Variants in CTNNBL1 observed in about 807,000 individuals in gnomAD.
CTNNBL1 encodes catenin beta like 1.
In CTNNBL1, 31 loss-of-function variants were observed where a neutral mutation model predicts 72.7. That is an observed-to-expected ratio of 0.43 (90% CI 0.32 to 0.58). The LOEUF (loss-of-function observed/expected upper bound fraction) is 0.58. Among genes scored for constraint, CTNNBL1 ranks in the 20% least tolerant of loss-of-function variants. The pLI, the probability that CTNNBL1 is intolerant of heterozygous loss-of-function variation, is 0.08. For missense variants in CTNNBL1, 534 were observed against 725.1 expected (o/e 0.74, Z 3.03); for synonymous variants, 240 against 267.3 (o/e 0.90, Z 1.00).
At position 37,871,966 on chromosome 20, in the gene CTNNBL1, C is replaced by G. The variant is rs752655870; in HGVS notation, c.1645C>G (p.Arg549Gly). 33 of 1,613,906 alleles carry G rather than the reference C, an allele frequency of 2.0e-5. No homozygotes were observed. The highest frequency in any genetic ancestry group is 2.3e-5 in the Non-Finnish European group (27 of 1,179,986). The change falls in exon 16 of 16, where the codon CGG becomes GGG. Residue 549 changes from arginine to glycine, a missense_variant. By Grantham distance (125) the Arg-to-Gly change is moderately radical. Coordinates refer to ENST00000361383, the MANE Select transcript of CTNNBL1 (RefSeq NM_030877.5). Reference protein sequence around the residue: ...NIGDGRSPEFRENEQKRILGL... With the variant: ...NIGDGRSPEFGENEQKRILGL... ...CGGGGACGGCCGGAGCCCGGAGTTC[C>G]GGGAGAACGAGCAAAAGCGCATCCT...
intron 3 of CTNNBL1, among the ~76,000 whole-genome samples, chr20:37,741,031 C>G (rs7264772): frequency 6.6e-6 from 1 of 152,184 alleles, no homozygotes; most frequent in Non-Finnish European, 1.5e-5. Flanking sequence ...TGCTGATATT[C>G]ACCCTTGTGG....
intron 11 of CTNNBL1, among the ~76,000 whole-genome samples, chr20:37,825,876 A>C (rs2072155091): frequency 6.6e-6 from 1 of 152,150 alleles, no homozygotes; most frequent in African/African-American, 2.4e-5. Flanking sequence ...CACTGCTGCC[A>C]TTGTAGCGAT....
chr20:37,867,710 C>G (rs568501892), intron 15 of CTNNBL1, among the ~76,000 whole-genome samples: 1 of 152,216 alleles, frequency 6.6e-6, no homozygotes, highest in South Asian at 2.1e-4. Context: ...TGCACACACG[C>G]ACACACGCAC....
intron 7 of CTNNBL1, among the ~76,000 whole-genome samples, chr20:37,770,085 A>G (rs2073508757): frequency 6.6e-6 from 1 of 152,192 alleles, no homozygotes; most frequent in Non-Finnish European, 1.5e-5. Flanking sequence ...AGTAAACTCT[A>G]ACTCCCTCCA....
Position 37,733,190 on chromosome 20 carries a change from T to C in CTNNBL1, c.219+123T>C, listed in dbSNP as rs541281609. ...TGTAAAATGGGGTTAAGAATTCATA[T>C]TTCATCGCGTTAATGTGAAGGTTAA... On this transcript the variant is annotated intron_variant, in intron 2 of 15. Transcript: ENST00000361383. The C allele has an allele frequency of 1.1e-5, 9 of 806,412 alleles. No individual in the cohort carries two copies. In the South Asian group the frequency reaches 1.6e-4, roughly 15 times the overall value. The allele number at this position is 806,412 out of a possible 1,614,324, so 50.0% of individuals were successfully genotyped here.
intron 11 of CTNNBL1, among the ~76,000 whole-genome samples, chr20:37,838,162 G>A (rs1440309574): frequency 6.6e-6 from 1 of 152,214 alleles, no homozygotes; most frequent in Non-Finnish European, 1.5e-5. Context: ...GGCAGGAACA[G>A]CCTGACGTTA....
chr20:37,714,310 A>G (rs1214281102), intron 1 of CTNNBL1, among the ~76,000 whole-genome samples: 1 of 152,240 alleles, frequency 6.6e-6, no homozygotes, highest in Non-Finnish European at 1.5e-5. Flanking sequence ...ATGAGGGTGA[A>G]TGAATGAAGC....
chr20:37,763,664 A>G (rs1600472583), intron 5 of CTNNBL1, among the ~76,000 whole-genome samples: 1 of 152,116 alleles, frequency 6.6e-6, no homozygotes, highest in South Asian at 2.1e-4. Flanking sequence ...CTCTGGAAGT[A>G]TTGGTTGGAT....
At chr20:37,698,172 A>G (rs1422553146) in intron 1 of CTNNBL1, among the ~76,000 whole-genome samples, 6 of 152,258 alleles carry the variant, frequency 3.9e-5, no homozygotes, top group Admixed American at 2.6e-4. Context: ...AGGAACTACA[A>G]TACTAGAACT....
At chr20:37,860,427 T>G in intron 15 of CTNNBL1, 83 bp downstream of exon 15, 2 of 1,133,070 alleles carry the variant, frequency 1.8e-6, no homozygotes, top group Non-Finnish European at 2.7e-6. Flanking sequence ...ATCCCTGGTA[T>G]TTGATGTGGA....
intron 7 of CTNNBL1, among the ~76,000 whole-genome samples, chr20:37,770,549 CAG>C (rs1038215391): frequency 1.3e-5 from 2 of 151,930 alleles, no homozygotes; most frequent in Admixed American, 6.6e-5. Context: ...TGTCTTCTGC[CAG>C]AGTCTTTTTT....
At chr20:37,694,275 C>A in intron 1 of CTNNBL1, 123 bp downstream of exon 1, 1 of 833,120 alleles carries the variant, frequency 1.2e-6, no homozygotes, top group East Asian at 3.2e-5. Flanking sequence ...CTCATGCCAC[C>A]CGGGGTCTCA....
At chr20:37,723,734 C>G (rs2073060987) in intron 1 of CTNNBL1, among the ~76,000 whole-genome samples, 1 of 152,180 alleles carries the variant, frequency 6.6e-6, no homozygotes, top group Non-Finnish European at 1.5e-5. Flanking sequence ...GTTTAATCAT[C>G]ACAACAACCC....
intron 10 of CTNNBL1, among the ~76,000 whole-genome samples, chr20:37,792,429 C>A: frequency 6.6e-6 from 1 of 152,134 alleles, no homozygotes; most frequent in East Asian, 1.9e-4. Context: ...CTGCCTCAGC[C>A]TCCTAAGTAG....
chr20:37,737,525 G>GT, intron 3 of CTNNBL1, 41 bp downstream of exon 3: 1 of 1,361,488 alleles, frequency 7.3e-7, no homozygotes, highest in Non-Finnish European at 1.0e-6. Context: ...CCTCTGTGGC[G>GT]TTTCGTTGGC....
chr20:37,860,277 C>T lies in CTNNBL1; in HGVS notation c.1536C>T (p.Arg512=). The change falls in exon 15 of 16, where the codon CGC becomes CGT. Residue 512 remains arginine, a synonymous_variant. Transcript: ENST00000361383. The stretch of plus-strand genomic sequence containing the variant: ...CCCATTTTTTCCCTTATTAGATTCG[C>T]CAGAGGGTTCACCAGATCCTAAACA... The part of the protein sequence containing the change: ...EICNANVPQI[R]QRVHQILNMR... 2 of 1,613,896 alleles carry T rather than the reference C, an allele frequency of 1.2e-6. No homozygotes were observed. Among genetic ancestry groups the T allele is most frequent in the Non-Finnish European group, 1.7e-6 (2 of 1,179,800 alleles).
At chr20:37,770,464 T>C (rs1417163594) in intron 7 of CTNNBL1, among the ~76,000 whole-genome samples, 1 of 152,164 alleles carries the variant, frequency 6.6e-6, no homozygotes, top group Non-Finnish European at 1.5e-5. Flanking sequence ...TTTTTTTGTC[T>C]CTGTTATGTC....
At chr20:37,770,555 CTT>C (rs879386949) in intron 7 of CTNNBL1, among the ~76,000 whole-genome samples, 2 of 141,552 alleles carry the variant, frequency 1.4e-5, no homozygotes. Context: ...CTGCCAGAGT[CTT>C]TTTTTTTTTT....
rs769577600 is a variant in CTNNBL1, at chr20:37,737,511, G to C, written c.326+27G>C. ...TAAGGTTCTGTTCCACTGATACCAT[G>C]TCTCCTCTGTGGCGTTTCGTTGGCT... On this transcript the variant is annotated intron_variant, in intron 3 of 15. Transcript: ENST00000361383. 6.8e-6 allele frequency: 10 copies of C among 1,470,566 alleles called. No homozygotes were observed. The South Asian group carries it at 9.4e-5, about 14-fold the overall frequency. The allele number at this position is 1,470,566 out of a possible 1,614,324, so 91.1% of individuals were successfully genotyped here. A position where few individuals can be genotyped will look rare whatever the true frequency, so the allele number is the denominator to read the frequency against.
Sources: gnomAD v4.1 joint callset for allele counts (sites outside exome capture counted in the v4.1 genomes callset) on GRCh38, gnomAD v4.1.1 for gene constraint, MANE v1.5 for transcripts, NCBI Gene and HGNC (gene_info 2026-07-23, HGNC 2026-07-21) for gene names.